Variants in RCBTB1 observed in about 807,000 individuals in gnomAD.
RCBTB1 encodes RCC1 and BTB domain containing protein 1.
A neutral mutation model predicts 62.4 loss-of-function variants in RCBTB1; 46 were observed. The ratio of observed to expected loss-of-function variants is 0.74; its 90% CI spans 0.58 to 0.94. RCBTB1 has a LOEUF of 0.94. RCBTB1 is among the 40% of genes least tolerant of loss of function. RCBTB1 has a pLI of 0.00. For synonymous variants in RCBTB1, 222 were observed against 245.8 expected (o/e 0.90, Z 0.91); for missense variants, 565 against 654.9 (o/e 0.86, Z 1.50).
In RCBTB1 at chr13:49,547,129, A is replaced by G. The variant is rs1375865728; in HGVS notation, c.1046-2266T>C. 6 of 1,283,574 alleles carry G rather than the reference A, an allele frequency of 4.7e-6. No individual in the cohort carries two copies. In the South Asian group the frequency reaches 6.2e-5, roughly 13 times the overall value. 79.5% of individuals were successfully genotyped at this position (1,283,574 alleles called of 1,614,324 possible). A position where few individuals can be genotyped will look rare whatever the true frequency, so the allele number is the denominator to read the frequency against. ...CATACATGTGCAATTCTGGCCAAAT[A>G]GTCCCATTCAGTGAACCAATTATTT... On this transcript the variant is annotated intron_variant, in intron 9 of 12. Transcript: ENST00000378302.
chr13:49,539,818 T>C (rs1960214970), intron 12 of RCBTB1, among the ~76,000 whole-genome samples: 1 of 152,212 alleles, frequency 6.6e-6, no homozygotes, highest in Non-Finnish European at 1.5e-5. Context: ...TTATCAAATA[T>C]TTATAATCAG....
chr13:49,568,850 A>T lies in RCBTB1; in HGVS notation c.-41-1530T>A, dbSNP rs973580347. Among the ~76,000 whole-genome samples, 107 of 152,010 alleles carry T rather than the reference A, an allele frequency of 7.0e-4. 1 individual carries two copies. Among genetic ancestry groups the T allele is most frequent in the Non-Finnish European group, 6.8e-4 (46 of 67,998 alleles). ...AGGCTGAGGCAGGAGAATCACTTGA[A>T]CCCGGGAGGCGGAGGTTGCAGTGAA... On this transcript the variant is annotated intron_variant, in intron 2 of 12. Coordinates refer to ENST00000378302, the MANE Select transcript of RCBTB1 (RefSeq NM_018191.4).
chr13:49,565,187 G>C (rs141193665), intron 4 of RCBTB1, among the ~76,000 whole-genome samples: 2,633 of 152,290 alleles, frequency 0.017, 82 homozygotes, highest in African/African-American at 0.06. Flanking sequence ...ACTGGTTTTC[G>C]TATTTTTTTG....
chr13:49,572,676 C>T lies in RCBTB1; in HGVS notation c.-41-5356G>A, dbSNP rs777820369. ...AAATTACCCCGGGTGTGGTGGCGCA[C>T]GCTGGTAATCTCAGCTACTCAGGAG... On this transcript the variant is annotated intron_variant, in intron 2 of 12. Coordinates refer to ENST00000378302, the MANE Select transcript of RCBTB1 (RefSeq NM_018191.4). Among the ~76,000 whole-genome samples the T allele has an allele frequency of 5.3e-5, 8 of 152,030 alleles. No individual in the cohort carries two copies. The South Asian group carries it at 1.0e-3, about 20-fold the overall frequency.
chr13:49,552,146 G>C, intron 7 of RCBTB1, 32 bp downstream of exon 7: 1 of 1,371,970 alleles, frequency 7.3e-7, no homozygotes, highest in East Asian at 2.5e-5. Context: ...AGGTAGATGG[G>C]AAGCCACTAA....
chr13:49,564,966 T>C (rs115937403), intron 4 of RCBTB1, among the ~76,000 whole-genome samples: 2,568 of 151,614 alleles, frequency 0.017, 66 homozygotes, highest in African/African-American at 0.059. Context: ...CAAAGACCAG[T>C]GAGCTATTAA....
chr13:49,547,187 A>AAT (rs386379144), intron 9 of RCBTB1: 8 of 1,258,624 alleles, frequency 6.4e-6, no homozygotes, highest in Admixed American at 4.7e-5. Flanking sequence ...AAAAAAAAAA[A>AAT]ATACTGTATT....
intron 5 of RCBTB1, among the ~76,000 whole-genome samples, chr13:49,558,695 CAAA>C (rs1186659232): frequency 3.4e-5 from 2 of 59,366 alleles, no homozygotes. Context: ...ACTCTGTCTC[CAAA>C]AAAAAAAAAA....
chr13:49,584,614 CCA>C (rs1324182108), intron 1 of RCBTB1, among the ~76,000 whole-genome samples: 1 of 152,166 alleles, frequency 6.6e-6, no homozygotes, highest in Non-Finnish European at 1.5e-5. Context: ...ACAATACACA[CCA>C]GTTTCAGAAA....
intron 11 of RCBTB1, 85 bp downstream of exon 11, chr13:49,541,590 TG>T (rs1960364948): frequency 7.5e-7 from 1 of 1,332,826 alleles, no homozygotes; most frequent in Admixed American, 2.6e-5. Context: ...CCAATACACC[TG>T]AAGCTTTTTA....
chr13:49,546,119 G>T, intron 9 of RCBTB1: 1 of 985,278 alleles, frequency 1.0e-6, no homozygotes, highest in Non-Finnish European at 1.2e-6. Context: ...GAGTCCAGGA[G>T]TCTAGATTGC....
chr13:49,575,674 T>C (rs533128884), intron 2 of RCBTB1, among the ~76,000 whole-genome samples: 1 of 151,696 alleles, frequency 6.6e-6, no homozygotes, highest in East Asian at 1.9e-4. Context: ...CACTTAGAAA[T>C]GGGAACTAAA....
chr13:49,563,373 A>T (rs1364337651), intron 4 of RCBTB1, among the ~76,000 whole-genome samples: 1 of 150,098 alleles, frequency 6.7e-6, no homozygotes, highest in Non-Finnish European at 1.5e-5. Flanking sequence ...AAAAAAAAAA[A>T]AAAAAAAGGC....
intron 12 of RCBTB1, among the ~76,000 whole-genome samples, chr13:49,538,731 T>C (rs943612923): frequency 3.4e-5 from 5 of 146,976 alleles, no homozygotes; most frequent in African/African-American, 1.0e-4. Context: ...GAAAAAAAAA[T>C]ACATACAAAT....
At position 49,567,140 on chromosome 13, in the gene RCBTB1, C is replaced by T. The variant is rs9562899; in HGVS notation, c.126+14G>A. 0.18 allele frequency: 285,092 copies of T among 1,611,966 alleles called. 30,620 individuals carry two copies. The highest frequency in any genetic ancestry group is 0.44 in the African/African-American group (33,210 of 74,850). On this transcript the variant is annotated intron_variant, in intron 3 of 12. Transcript: ENST00000378302. ...TAAGTCCTAAAACGAAACTAGGTTT[C>T]AAGAGACTCTTACCTCATCATTGTC...
chr13:49,569,868 G>A (rs1963285378), intron 2 of RCBTB1, among the ~76,000 whole-genome samples: 1 of 152,082 alleles, frequency 6.6e-6, no homozygotes, highest in Admixed American at 6.5e-5. Flanking sequence ...AGATCACAAC[G>A]CTGCACTCTA....
chr13:49,547,285 TTGCCTCCA>T, intron 9 of RCBTB1: 2 of 803,400 alleles, frequency 2.5e-6, no homozygotes, highest in Non-Finnish European at 3.5e-6. Flanking sequence ...CTAAGCACCC[TTGCCTCCA>T]TGCCCATGAC....
At chr13:49,561,033 T>C (rs1469033901) in intron 4 of RCBTB1, among the ~76,000 whole-genome samples, 1 of 152,240 alleles carries the variant, frequency 6.6e-6, no homozygotes, top group Non-Finnish European at 1.5e-5. Flanking sequence ...GAGATTCTGA[T>C]GAAGACAACT....
chr13:49,563,991 T>G (rs1319611861), intron 4 of RCBTB1, among the ~76,000 whole-genome samples: 2 of 152,180 alleles, frequency 1.3e-5, no homozygotes, highest in Non-Finnish European at 2.9e-5. Flanking sequence ...GCTGAGGACC[T>G]CAGAGAAAGA....
Sources: allele counts gnomAD v4.1 joint callset (sites outside exome capture counted in the v4.1 genomes callset), GRCh38; gene constraint gnomAD v4.1.1; transcripts MANE v1.5; gene names NCBI Gene and HGNC (gene_info 2026-07-23, HGNC 2026-07-21).